Variants in MBTPS1 observed in about 807,000 individuals in gnomAD.
MBTPS1 encodes membrane-bound transcription factor site-1 protease.
A neutral mutation model predicts 127.8 loss-of-function variants in MBTPS1; 94 were observed. The observed-to-expected ratio is 0.74, with a 90% confidence interval of 0.62 to 0.87. The LOEUF is 0.87. Among genes scored for constraint, MBTPS1 ranks in the 40% least tolerant of loss-of-function variants. The probability of loss-of-function intolerance (pLI) is 0.00; values close to 1 mark genes in which losing one functional copy is unlikely to be tolerated. For synonymous variants in MBTPS1, 632 were observed against 509.4 expected (o/e 1.24, Z -3.24); for missense variants, 1,636 against 1,353.2 (o/e 1.21, Z -3.28).
In MBTPS1 at chr16:84,067,968, G is replaced by T. The variant is rs987811298; in HGVS notation, c.2072-145C>A. The T allele has an allele frequency of 5.8e-6, 4 of 690,998 alleles. No homozygotes were observed. The South Asian group carries it at 5.9e-5, about 10-fold the overall frequency. The allele number at this position is 690,998 out of a possible 1,614,324, so 42.8% of individuals were successfully genotyped here. On this transcript the variant is annotated intron_variant, in intron 15 of 22. Transcript: ENST00000343411. ...TGCCACCCTGTACCACTTTAAAAGG[G>T]ACTAAAAAGTAGAGGACCAGGATCC...
At chr16:84,060,290 A>C in intron 20 of MBTPS1, 1 of 163,178 alleles carries the variant, frequency 6.1e-6, no homozygotes, top group Non-Finnish European at 1.3e-5. Flanking sequence ...GAGAGGGGAC[A>C]GTGAGGTAAT....
At chr16:84,063,213 A>G in intron 19 of MBTPS1, 92 bp downstream of exon 19, 1 of 1,367,274 alleles carries the variant, frequency 7.3e-7, no homozygotes, top group South Asian at 1.3e-5. Context: ...ATGTCGGCTG[A>G]TCTGCCAGCA....
At chr16:84,114,615 G>A (rs189201381) in intron 1 of MBTPS1, among the ~76,000 whole-genome samples, 1 of 151,900 alleles carries the variant, frequency 6.6e-6, no homozygotes, top group Admixed American at 6.6e-5. Context: ...CGGATCATGA[G>A]GTCAAGGAGT....
intron 19 of MBTPS1, chr16:84,061,514 G>A (rs887271865): frequency 3.3e-5 from 5 of 152,412 alleles, no homozygotes; most frequent in African/African-American, 7.2e-5. Context: ...ACAGGGAGAG[G>A]AGAACGGAGG....
chr16:84,083,581 A>G (rs574110324), intron 10 of MBTPS1, among the ~76,000 whole-genome samples: 2 of 152,090 alleles, frequency 1.3e-5, no homozygotes, highest in Non-Finnish European at 1.5e-5. Flanking sequence ...GTGAGCTACC[A>G]CAACCAGCCA....
intron 10 of MBTPS1, among the ~76,000 whole-genome samples, chr16:84,083,413 G>C (rs1177438912): frequency 1.3e-5 from 2 of 152,056 alleles, no homozygotes; most frequent in Admixed American, 6.5e-5. Context: ...GCTGCAAACT[G>C]TAAGGGAAGA....
At chr16:84,093,924 T>C (rs2086145088) in intron 4 of MBTPS1, 103 bp from the exon 5 acceptor site, 6 of 866,930 alleles carry the variant, frequency 6.9e-6, no homozygotes, top group Non-Finnish European at 7.5e-6. Context: ...GAAAATGACA[T>C]ATTGTGGAAG....
chr16:84,102,449 A>G (rs1241490604), intron 1 of MBTPS1, among the ~76,000 whole-genome samples: 1 of 152,214 alleles, frequency 6.6e-6, no homozygotes, highest in Non-Finnish European at 1.5e-5. Context: ...TTTCACGGGA[A>G]AATTTTTTTT....
intron 7 of MBTPS1, 53 bp downstream of exon 7, chr16:84,091,679 T>G (rs959339548): frequency 1.6e-6 from 2 of 1,237,684 alleles, no homozygotes; most frequent in African/African-American, 3.0e-5. Context: ...AAAGTTGGGC[T>G]GCGAAAGAGC....
chr16:84,088,576 A>AAC (rs2086061665), intron 8 of MBTPS1, among the ~76,000 whole-genome samples: 1 of 152,150 alleles, frequency 6.6e-6, no homozygotes, highest in Non-Finnish European at 1.5e-5. Context: ...GTGTACTTTA[A>AAC]ACCCTTAAAA....
chr16:84,105,024 C>A (rs2086304165), intron 1 of MBTPS1, among the ~76,000 whole-genome samples: 1 of 151,840 alleles, frequency 6.6e-6, no homozygotes, highest in Admixed American at 6.6e-5. Context: ...ATCGTTTGAA[C>A]CCAGGAGGCA....
At chr16:84,083,508 C>T (rs1234097049) in intron 10 of MBTPS1, among the ~76,000 whole-genome samples, 1 of 151,426 alleles carries the variant, frequency 6.6e-6, no homozygotes. Flanking sequence ...CCCAGCTGCT[C>T]TCAAACTACT....
chr16:84,092,700 T>A (rs1455795980), intron 6 of MBTPS1, among the ~76,000 whole-genome samples: 1 of 152,218 alleles, frequency 6.6e-6, no homozygotes, highest in Non-Finnish European at 1.5e-5. Flanking sequence ...CCTCTCCCTT[T>A]TCTATAGTTT....
rs774224944 is a variant in MBTPS1 at position 84,090,915 on chromosome 16, T to C, written c.991A>G (p.Ile331Val). The change falls in exon 8 of 23, where the codon ATC (isoleucine) becomes GTC (valine). Residue 331 changes from isoleucine to valine, a missense_variant. Ile to Val is a conservative substitution (Grantham distance 29). Transcript: ENST00000343411. ...KVWELTANNVIMVSAIGNDGP... is the reference protein window; with the variant it reads ...KVWELTANNVVMVSAIGNDGP... ...TCATTGCCAATAGCAGAAACCATGA[T>C]TACATTGTTAGCTGTTAATTCCCAC... The C allele has an allele frequency of 6.2e-7, 1 of 1,613,088 alleles. No individual in the cohort carries two copies. Among genetic ancestry groups the C allele is most frequent in the South Asian group, 1.1e-5 (1 of 90,968 alleles).
At chr16:84,062,742 T>C (rs2085631711) in intron 19 of MBTPS1, among the ~76,000 whole-genome samples, 1 of 152,146 alleles carries the variant, frequency 6.6e-6, no homozygotes, top group African/African-American at 2.4e-5. Context: ...AACGGATGCA[T>C]CGAGAGACTG....
chr16:84,071,014 T>C (rs4782889), intron 12 of MBTPS1, among the ~76,000 whole-genome samples: 63,874 of 152,202 alleles, frequency 0.42, 14,392 homozygotes, highest in East Asian at 0.52. Context: ...TCCAATTTTA[T>C]GGAGACATTT....
chr16:84,112,456 G>C (rs1181516172), intron 1 of MBTPS1, among the ~76,000 whole-genome samples: 2 of 151,434 alleles, frequency 1.3e-5, no homozygotes, highest in Non-Finnish European at 2.9e-5. Flanking sequence ...TCAGGAGATC[G>C]AGACCATCCT....
rs372754146 is a variant in MBTPS1 at position 84,069,926 on chromosome 16, C to T, written c.1895G>A (p.Arg632His). Reference protein sequence around the residue: ...RVLWDQYHNLRYPPGYFPRDN... With the variant: ...RVLWDQYHNLHYPPGYFPRDN... ...CCTGGGGAAATAGCCAGGTGGATAG[C>T]GGAGGTTGTGGTACTGATCCCAGAG... The change falls in exon 14 of 23, where the codon CGC (arginine) becomes CAC (histidine). Residue 632 changes from arginine to histidine, a missense_variant. Coordinates refer to ENST00000343411, the MANE Select transcript of MBTPS1 (RefSeq NM_003791.4). 21 of 1,613,886 alleles carry T rather than the reference C, an allele frequency of 1.3e-5. No homozygotes were observed. Among genetic ancestry groups the T allele is most frequent in the South Asian group, 6.6e-5 (6 of 91,076 alleles).
At chr16:84,064,221 T>G (rs1342262474) in intron 18 of MBTPS1, among the ~76,000 whole-genome samples, 1 of 151,790 alleles carries the variant, frequency 6.6e-6, no homozygotes, top group East Asian at 1.9e-4. Flanking sequence ...TGATAACATC[T>G]GAAATGTCTG....
Sources: allele counts gnomAD v4.1 joint callset (sites outside exome capture counted in the v4.1 genomes callset), GRCh38; gene constraint gnomAD v4.1.1; transcripts MANE v1.5; gene names NCBI Gene and HGNC (gene_info 2026-07-23, HGNC 2026-07-21).